The following TP63 variants were observed in gnomAD, a reference collection of about 807,000 sequenced individuals.
TP63 encodes tumor protein 63.
TP63 carries 17 observed loss-of-function variants against 82.8 expected under a neutral mutation model. The observed-to-expected ratio is 0.21, with a 90% CI of 0.14 to 0.31. The LOEUF (loss-of-function observed/expected upper bound fraction) is 0.31. Ranked by LOEUF, TP63 falls within the 10% of genes least tolerant of loss-of-function variation. TP63 has a pLI of 1.00. For missense variants in TP63, 648 were observed against 895.3 expected, an observed-to-expected ratio of 0.72 and a Z score of 3.52; for synonymous variants, 330 against 321.7, an observed-to-expected ratio of 1.03 and a Z score of -0.28.
At position 189,872,899 on chromosome 3, in the gene TP63, A is replaced by G. The variant is rs1219897178; in HGVS notation, c.1253A>G (p.Lys418Arg). 2 of 1,614,022 alleles carry G rather than the reference A, an allele frequency of 1.2e-6. No individual in the cohort carries two copies. Among genetic ancestry groups the G allele is most frequent in the African/African-American group, 1.3e-5 (1 of 74,904 alleles). The change falls in exon 10 of 14, where the codon AAA (lysine) becomes AGA (arginine). Residue 418 changes from lysine to arginine, a missense_variant. By Grantham distance (26) the Lys-to-Arg change is conservative (BLOSUM62 2). Around this residue, in one of 5 missense-constraint regions of TP63, gnomAD observed 342 missense variants for 425.7 expected, o/e 0.80. Transcript: ENST00000264731. ...ACTTATGAAATGCTGTTGAAGATCA[A>G]AGAGTCCCTGGAACTCATGCAGTAC... ...RETYEMLLKI[K>R]ESLELMQYLP...
chr3:189,755,256 C>T (rs1283751035), intron 3 of TP63, among the ~76,000 whole-genome samples: 1 of 152,048 alleles, frequency 6.6e-6, no homozygotes, highest in Non-Finnish European at 1.5e-5. Flanking sequence ...TTCCTCAAAG[C>T]TCTGTGAGGA....
intron 3 of TP63, among the ~76,000 whole-genome samples, chr3:189,755,376 C>A (rs1180361192): frequency 6.6e-6 from 1 of 151,992 alleles, no homozygotes; most frequent in Non-Finnish European, 1.5e-5. Context: ...ACATAAATCC[C>A]AAACCAGTGA....
At chr3:189,853,204 C>A (rs2108770544) in intron 4 of TP63, among the ~76,000 whole-genome samples, 1 of 152,276 alleles carries the variant, frequency 6.6e-6, no homozygotes, top group East Asian at 1.9e-4. Flanking sequence ...CGTCTTTGTT[C>A]CACAAAGTCT....
At chr3:189,822,976 C>T (rs141404183) in intron 4 of TP63, among the ~76,000 whole-genome samples, 2 of 152,320 alleles carry the variant, frequency 1.3e-5, no homozygotes, top group African/African-American at 4.8e-5. Flanking sequence ...ACCCTTGACT[C>T]AAGTTTTAGA....
At position 189,840,359 on chromosome 3, in the gene TP63, C is replaced by CTTT; in HGVS notation, c.580-23847_580-23845dup. 2.7e-3 allele frequency among the ~76,000 whole-genome samples: 118 copies of CTTT among 44,400 alleles called. 2 individuals carry two copies. Among genetic ancestry groups the CTTT allele is most frequent in the South Asian group, 7.6e-3 (7 of 916 alleles). 29.1% of individuals were successfully genotyped at this position (44,400 alleles called of 152,430 possible). On this transcript the variant is annotated intron_variant, in intron 4 of 13. Transcript: ENST00000264731. ...GAGTTTTTTCTTTTTTGCTTTTCGT[C>CTTT]TTTTTTTTTTTTTTTTTTTTTTTTT... is the stretch of plus-strand genomic sequence containing the variant.
At chr3:189,709,715 C>G (rs773460401) in intron 1 of TP63, among the ~76,000 whole-genome samples, 44 of 152,254 alleles carry the variant, frequency 2.9e-4, no homozygotes, top group Admixed American at 4.6e-4. Context: ...AAATGTTCTT[C>G]AGATCATTTG....
intron 3 of TP63, among the ~76,000 whole-genome samples, chr3:189,754,865 A>C (rs1722072047): frequency 6.6e-6 from 1 of 151,972 alleles, no homozygotes; most frequent in African/African-American, 2.4e-5. Flanking sequence ...TTCCTTTTCA[A>C]GTTCCCTACT....
At chr3:189,712,986 A>T (rs980355237) in intron 1 of TP63, among the ~76,000 whole-genome samples, 5 of 152,080 alleles carry the variant, frequency 3.3e-5, no homozygotes, top group African/African-American at 1.2e-4. Context: ...GGTGCTGGGA[A>T]ATTCCACTAT....
At chr3:189,840,208 T>C (rs529510349) in intron 4 of TP63, among the ~76,000 whole-genome samples, 1 of 152,156 alleles carries the variant, frequency 6.6e-6, no homozygotes, top group East Asian at 1.9e-4. Flanking sequence ...AGTGTTGTTT[T>C]TCATTGAAAG....
Position 189,886,504 on chromosome 3 carries a change from G to C in TP63, c.1460G>C (p.Arg487Pro), listed in dbSNP as rs781366519. 4 of 1,614,010 alleles carry C rather than the reference G, an allele frequency of 2.5e-6. No individual in the cohort carries two copies. Among genetic ancestry groups the C allele is most frequent in the Non-Finnish European group, 3.4e-6 (4 of 1,179,982 alleles). ...SVSQLINPQQRNALTPTTIPD... is the reference protein window; with the variant it reads ...SVSQLINPQQPNALTPTTIPD... Reference sequence around the variant, plus strand: ...AGCCAGCTTATCAACCCTCAGCAGCGCAACGCCCTCACTCCTACAACCATT... The same window carrying C: ...AGCCAGCTTATCAACCCTCAGCAGCCCAACGCCCTCACTCCTACAACCATT... Residue 487 changes from arginine to proline, a missense_variant, in exon 11 of 14, where the codon CGC becomes CCC. Around this residue, in one of 5 missense-constraint regions of TP63, gnomAD observed 342 missense variants for 425.7 expected, o/e 0.80. Transcript: ENST00000264731.
At chr3:189,669,040 T>C (rs1714657525) in intron 1 of TP63, among the ~76,000 whole-genome samples, 1 of 149,814 alleles carries the variant, frequency 6.7e-6, no homozygotes, top group South Asian at 2.1e-4. Context: ...AACCTTAAAA[T>C]CCACCAGAGA....
chr3:189,877,856 C>T (rs1719409472), intron 10 of TP63, among the ~76,000 whole-genome samples: 2 of 152,092 alleles, frequency 1.3e-5, no homozygotes, highest in Admixed American at 1.3e-4. Flanking sequence ...AAAATTTAAA[C>T]ATCTATTTCC....
chr3:189,807,317 C>T (rs972817996), intron 3 of TP63, among the ~76,000 whole-genome samples: 7 of 152,186 alleles, frequency 4.6e-5, no homozygotes, highest in African/African-American at 1.4e-4. Context: ...TTAGCGGATG[C>T]TAGGGCAAAT....
intron 3 of TP63, among the ~76,000 whole-genome samples, chr3:189,781,369 T>TGGGATTATCCAC (rs1177819735): frequency 6.6e-6 from 1 of 152,126 alleles, no homozygotes; most frequent in African/African-American, 2.4e-5. Flanking sequence ...GATTCACAGG[T>TGGGATTATCCAC]GGGATTATCC....
At chr3:189,801,157 T>G (rs1726265977) in intron 3 of TP63, among the ~76,000 whole-genome samples, 1 of 152,170 alleles carries the variant, frequency 6.6e-6, no homozygotes, top group African/African-American at 2.4e-5. Flanking sequence ...CTAAAGGCAG[T>G]ATGGTATGCT....
chr3:189,822,051 C>G (rs1365721057), intron 4 of TP63, among the ~76,000 whole-genome samples: 1 of 152,176 alleles, frequency 6.6e-6, no homozygotes, highest in Non-Finnish European at 1.5e-5. Flanking sequence ...TCACTTCTCT[C>G]TAGCTGTATG....
intron 13 of TP63, among the ~76,000 whole-genome samples, chr3:189,892,164 A>T (rs1313681886): frequency 6.6e-6 from 1 of 152,194 alleles, no homozygotes; most frequent in Admixed American, 6.5e-5. Flanking sequence ...TATTTGAGAG[A>T]GTCTCCTGTA....
rs556782551 is a variant in TP63 at position 189,766,439 on chromosome 3, G to A, written c.324+27665G>A. ...CAGGTTTTTTTTTTCTGTGGAGGTGGGGTGGGTGGTAAGGTATTACACTAA... is the reference window on the plus strand; with the variant it reads ...CAGGTTTTTTTTTTCTGTGGAGGTGAGGTGGGTGGTAAGGTATTACACTAA... On this transcript the variant is annotated intron_variant, in intron 3 of 13. Transcript: ENST00000264731. Among the ~76,000 whole-genome samples the A allele has an allele frequency of 2.6e-5, 4 of 152,090 alleles. No individual in the cohort carries two copies. In the East Asian group the frequency reaches 7.7e-4, roughly 29 times the overall value.
the TP63 span, among the ~76,000 whole-genome samples, chr3:189,601,277 C>A: frequency 1.7e-3 from 260 of 152,182 alleles, 1 homozygote; most frequent in East Asian, 3.1e-3. Context: ...CCTTTTAACA[C>A]CCATGAAAAA....
Sources: gnomAD v4.1 joint callset for allele counts (sites outside exome capture counted in the v4.1 genomes callset) on GRCh38, gnomAD v4.1.1 for gene constraint, gnomAD v4.1.1 regional missense constraint, MANE v1.5 for transcripts, NCBI Gene and HGNC (gene_info 2026-07-23, HGNC 2026-07-21) for gene names.